The following KCND2 variants were observed in gnomAD, a reference collection of about 807,000 sequenced individuals.
KCND2 encodes the protein A-type voltage-gated potassium channel KCND2.
Under a neutral mutation model 54.4 loss-of-function variants are expected in KCND2, and 16 were observed. The ratio of observed to expected loss-of-function variants is 0.29; its 90% CI spans 0.20 to 0.45. The LOEUF is 0.45. Ranked by LOEUF, KCND2 falls within the 20% of genes least tolerant of loss-of-function variation. The pLI is 1.00. For missense variants in KCND2, 486 were observed against 824.2 expected (o/e 0.59, Z 5.02); for synonymous variants, 317 against 310.7 (o/e 1.02, Z -0.21).
At chr7:120,367,721 T>C (rs1800707656) in intron 1 of KCND2, among the ~76,000 whole-genome samples, 2 of 151,962 alleles carry the variant, frequency 1.3e-5, no homozygotes, top group African/African-American at 2.4e-5. Flanking sequence ...ATGGGTTTGC[T>C]TCTCAGAAGA....
chr7:120,747,573 T>G, intron 5 of KCND2, 108 bp from the exon 6 acceptor site: 1 of 762,108 alleles, frequency 1.3e-6, no homozygotes, highest in Non-Finnish European at 2.2e-6. Context: ...ATAACTTTCC[T>G]TAGACAATTA....
chr7:120,653,453 C>T (rs1034240609), intron 1 of KCND2, among the ~76,000 whole-genome samples: 2 of 152,056 alleles, frequency 1.3e-5, no homozygotes, highest in Non-Finnish European at 2.9e-5. Flanking sequence ...AACGGCCACT[C>T]GTTGACCTGG....
chr7:120,434,761 A>T (rs980844554), intron 1 of KCND2, among the ~76,000 whole-genome samples: 1 of 152,178 alleles, frequency 6.6e-6, no homozygotes, highest in East Asian at 1.9e-4. Context: ...ATGGGTCCCA[A>T]TGTGGTGCTT....
At chr7:120,328,770 A>G (rs1800019610) in intron 1 of KCND2, among the ~76,000 whole-genome samples, 1 of 152,188 alleles carries the variant, frequency 6.6e-6, no homozygotes, top group South Asian at 2.1e-4. Context: ...TAAGAAACGT[A>G]GATTTTAAAT....
At chr7:120,661,142 T>G (rs907929121) in intron 1 of KCND2, among the ~76,000 whole-genome samples, 2 of 152,138 alleles carry the variant, frequency 1.3e-5, no homozygotes, top group African/African-American at 4.8e-5. Context: ...GGAAATGGAA[T>G]AGAGAGTTGA....
intron 1 of KCND2, among the ~76,000 whole-genome samples, chr7:120,490,239 T>C (rs1802759553): frequency 6.6e-6 from 1 of 151,482 alleles, no homozygotes; most frequent in African/African-American, 2.4e-5. Context: ...ATATTTAGCG[T>C]TCTTTCAGTT....
At chr7:120,663,345 T>G (rs900349621) in intron 1 of KCND2, among the ~76,000 whole-genome samples, 8 of 152,164 alleles carry the variant, frequency 5.3e-5, no homozygotes, top group African/African-American at 1.9e-4. Context: ...TTTTTCACAA[T>G]GATTTTTATG....
At chr7:120,648,501 A>C (rs545656078) in intron 1 of KCND2, among the ~76,000 whole-genome samples, 8 of 152,330 alleles carry the variant, frequency 5.3e-5, no homozygotes, top group African/African-American at 1.9e-4. Flanking sequence ...AGTACAGTCA[A>C]CAAGATGGAG....
chr7:120,481,245 A>C (rs1293461305), intron 1 of KCND2, among the ~76,000 whole-genome samples: 1 of 152,196 alleles, frequency 6.6e-6, no homozygotes, highest in African/African-American at 2.4e-5. Context: ...AGAATGATGA[A>C]CCGGGATACC....
At chr7:120,295,944 T>G (rs555932298) in intron 1 of KCND2, among the ~76,000 whole-genome samples, 1 of 152,144 alleles carries the variant, frequency 6.6e-6, no homozygotes, top group East Asian at 1.9e-4. Flanking sequence ...CACTATTAAT[T>G]ATTTCCCAAG....
chr7:120,386,090 C>CCA (rs1341065537), intron 1 of KCND2, among the ~76,000 whole-genome samples: 1 of 152,034 alleles, frequency 6.6e-6, no homozygotes, highest in African/African-American at 2.4e-5. Flanking sequence ...ATGATACAGC[C>CCA]ATTGAAATGC....
chr7:120,678,591 A>T (rs1032148572), intron 1 of KCND2, among the ~76,000 whole-genome samples: 15 of 147,808 alleles, frequency 1.0e-4, no homozygotes, highest in African/African-American at 3.7e-4. Flanking sequence ...TTCATTACAC[A>T]CATATATATA....
In KCND2 at chr7:120,711,870, G is replaced by A. The variant is rs577372548; in HGVS notation, c.1116-21033G>A. On this transcript the variant is annotated intron_variant, in intron 1 of 5. Transcript: ENST00000331113. ...AGAATCATAATTTATTTAAATACTG[G>A]GTGATAATCAGGCAAGTCAATAAAT... Among the ~76,000 whole-genome samples the A allele has an allele frequency of 1.2e-3, 188 of 152,112 alleles. 1 individual carries two copies. The highest frequency in any genetic ancestry group is 1.6e-3 in the Non-Finnish European group (112 of 67,990).
chr7:120,725,097 G>A (rs980776591), intron 1 of KCND2, among the ~76,000 whole-genome samples: 1 of 152,020 alleles, frequency 6.6e-6, no homozygotes, highest in Non-Finnish European at 1.5e-5. Context: ...AAAGAATTTG[G>A]TTTTTTTAAA....
chr7:120,733,629 C>A (rs1307262735), intron 2 of KCND2, among the ~76,000 whole-genome samples: 1 of 152,018 alleles, frequency 6.6e-6, no homozygotes, highest in Non-Finnish European at 1.5e-5. Context: ...AAACTGGTTC[C>A]AGTAGACGAG....
At chr7:120,740,903 GTTTA>G (rs906860090) in intron 2 of KCND2, 6 of 432,670 alleles carry the variant, frequency 1.4e-5, no homozygotes, top group South Asian at 3.1e-5. Flanking sequence ...AGTTGTTTTT[GTTTA>G]TTTGTTTGTT....
chr7:120,555,091 GATC>G (rs1297532715), intron 1 of KCND2, among the ~76,000 whole-genome samples: 1 of 152,126 alleles, frequency 6.6e-6, no homozygotes. Flanking sequence ...TCCACCCAGG[GATC>G]TGCAGGTCTT....
rs112850455 is a variant in KCND2 at position 120,664,549 on chromosome 7, A to G, written c.1116-68354A>G. On this transcript the variant is annotated intron_variant, in intron 1 of 5. Coordinates refer to ENST00000331113, the MANE Select transcript of KCND2 (RefSeq NM_012281.3). ...TATAAACAACAAAAAATACATATTT[A>G]CCATCAACATTTAAAAGATAATGAT... is the stretch of plus-strand genomic sequence containing the variant. Among the ~76,000 whole-genome samples, 189 of 152,186 alleles carry G rather than the reference A, an allele frequency of 1.2e-3. 1 individual carries two copies. Among genetic ancestry groups the G allele is most frequent in the African/African-American group, 4.4e-3 (181 of 41,552 alleles).
intron 1 of KCND2, among the ~76,000 whole-genome samples, chr7:120,418,457 C>T (rs1458039689): frequency 2.2e-5 from 3 of 137,238 alleles, no homozygotes; most frequent in African/African-American, 3.3e-5. Flanking sequence ...AACCAAACTG[C>T]CTTGTACTGG....
Sources: gnomAD v4.1 joint callset for allele counts (sites outside exome capture counted in the v4.1 genomes callset) on GRCh38, gnomAD v4.1.1 for gene constraint, MANE v1.5 for transcripts, NCBI Gene and HGNC (gene_info 2026-07-23, HGNC 2026-07-21) for gene names.